The following SHISA6 variants were observed in gnomAD, a reference collection of about 807,000 sequenced individuals.
SHISA6 encodes the protein protein shisa-6.
In SHISA6, 22 loss-of-function variants were observed where a neutral mutation model predicts 47.9. The observed-to-expected ratio is 0.46, with a 90% CI of 0.33 to 0.66. The LOEUF (loss-of-function observed/expected upper bound fraction) is 0.66, where lower values mean the gene tolerates loss of function less well. SHISA6 is among the 30% of genes least tolerant of loss of function. The pLI is 0.02. For missense variants in SHISA6, 680 were observed against 764.6 expected, an observed-to-expected ratio of 0.89 and a Z score of 1.30; for synonymous variants, 388 against 337.8, an observed-to-expected ratio of 1.15 and a Z score of -1.63.
chr17:11,299,691 T>C (rs1490764270), intron 2 of SHISA6, among the ~76,000 whole-genome samples: 1 of 152,104 alleles, frequency 6.6e-6, no homozygotes, highest in Non-Finnish European at 1.5e-5. Context: ...ATCACTCCAA[T>C]CTCTGTTTTC....
chr17:11,270,612 G>T (rs1366026627), intron 2 of SHISA6, among the ~76,000 whole-genome samples: 1 of 152,214 alleles, frequency 6.6e-6, no homozygotes, highest in Non-Finnish European at 1.5e-5. Context: ...TTCTGCCCTT[G>T]AAGCACAAGA....
intron 3 of SHISA6, among the ~76,000 whole-genome samples, chr17:11,534,901 G>A (rs1451890105): frequency 6.6e-6 from 1 of 152,122 alleles, no homozygotes; most frequent in African/African-American, 2.4e-5. Flanking sequence ...AGGCCAAGGA[G>A]GGTGGATCAC....
intron 2 of SHISA6, among the ~76,000 whole-genome samples, chr17:11,364,365 C>T (rs961632582): frequency 1.3e-5 from 2 of 152,118 alleles, no homozygotes; most frequent in Admixed American, 6.5e-5. Context: ...GTTTTTTGAG[C>T]TTCTTTCAAA....
intron 2 of SHISA6, among the ~76,000 whole-genome samples, chr17:11,280,401 CTTA>C (rs1449078807): frequency 3.3e-5 from 5 of 152,170 alleles, no homozygotes; most frequent in South Asian, 4.1e-4. Context: ...GAAATGTTCA[CTTA>C]TTATCCTTAA....
intron 3 of SHISA6, among the ~76,000 whole-genome samples, chr17:11,447,256 A>G (rs1348326275): frequency 2.0e-5 from 3 of 152,234 alleles, no homozygotes. Flanking sequence ...AAGGTAAGAA[A>G]GAAAGAAATA....
chr17:11,492,231 G>A (rs1412654701), intron 3 of SHISA6, among the ~76,000 whole-genome samples: 1 of 152,276 alleles, frequency 6.6e-6, no homozygotes, highest in African/African-American at 2.4e-5. Context: ...AGGCCACAGA[G>A]GGTTGAGGGT....
chr17:11,275,711 T>C (rs1908862122), intron 2 of SHISA6, among the ~76,000 whole-genome samples: 1 of 152,078 alleles, frequency 6.6e-6, no homozygotes, highest in South Asian at 2.1e-4. Flanking sequence ...TGTGTGACCA[T>C]CTGGAGAAAG....
At chr17:11,363,265 G>A (rs1912345636) in intron 2 of SHISA6, among the ~76,000 whole-genome samples, 1 of 151,332 alleles carries the variant, frequency 6.6e-6, no homozygotes, top group Non-Finnish European at 1.5e-5. Flanking sequence ...AACTCTCCTG[G>A]TGTCACATTC....
At chr17:11,514,112 G>A (rs1377863690) in intron 3 of SHISA6, among the ~76,000 whole-genome samples, 3 of 152,212 alleles carry the variant, frequency 2.0e-5, no homozygotes, top group African/African-American at 4.8e-5. Context: ...ACTCTGCTTT[G>A]TGGCCGACTG....
chr17:11,258,007 T>A (rs1455980549), intron 1 of SHISA6, among the ~76,000 whole-genome samples: 1 of 152,208 alleles, frequency 6.6e-6, no homozygotes, highest in Non-Finnish European at 1.5e-5. Context: ...TATAAAAAAA[T>A]TAATTATATT....
rs375035830 is a variant in SHISA6, at chr17:11,464,723, A to G, written c.895+85214A>G. Among the ~76,000 whole-genome samples the G allele has an allele frequency of 6.6e-5, 10 of 152,284 alleles. No individual in the cohort carries two copies. The South Asian group carries it at 1.0e-3, about 16-fold the overall frequency. ...TTTGGGAGGCCAAGGCAGGTGGATC[A>G]CCGGAGGCCAGGAGTTCGAGACCAG... On this transcript the variant is annotated intron_variant, in intron 3 of 5. Coordinates refer to ENST00000441885, the MANE Select transcript of SHISA6 (RefSeq NM_207386.4).
intron 2 of SHISA6, among the ~76,000 whole-genome samples, chr17:11,361,832 A>G (rs1195529300): frequency 6.6e-6 from 1 of 152,224 alleles, no homozygotes; most frequent in Non-Finnish European, 1.5e-5. Context: ...CTGCACAGTA[A>G]GTAGTATTAC....
chr17:11,444,396 A>G (rs1258630838), intron 3 of SHISA6, among the ~76,000 whole-genome samples: 2 of 152,138 alleles, frequency 1.3e-5, no homozygotes, highest in African/African-American at 4.8e-5. Flanking sequence ...TATTTTATGA[A>G]AACACCCATA....
chr17:11,521,559 G>A lies in SHISA6; in HGVS notation c.896-30337G>A, dbSNP rs150660595. On this transcript the variant is annotated intron_variant, in intron 3 of 5. Coordinates refer to ENST00000441885, the MANE Select transcript of SHISA6 (RefSeq NM_207386.4). ...AGCACTTTGGGAAGCCAAGTTGGGA[G>A]GACTGCTTGAGATCAGGAGTTCGAG... 2.8e-3 allele frequency among the ~76,000 whole-genome samples: 427 copies of A among 152,256 alleles called. 1 individual carries two copies. The highest frequency in any genetic ancestry group is 9.9e-3 in the African/African-American group (412 of 41,548).
At chr17:11,487,153 C>T (rs1382234804) in intron 3 of SHISA6, among the ~76,000 whole-genome samples, 1 of 152,208 alleles carries the variant, frequency 6.6e-6, no homozygotes, top group Non-Finnish European at 1.5e-5. Flanking sequence ...CCCCTGTTCA[C>T]ACACGTGCAT....
chr17:11,444,587 A>G (rs998927410), intron 3 of SHISA6, among the ~76,000 whole-genome samples: 5 of 152,180 alleles, frequency 3.3e-5, no homozygotes, highest in Non-Finnish European at 7.3e-5. Context: ...AACAAAATAC[A>G]AAAATGAAAA....
chr17:11,380,667 G>A (rs557202953), intron 3 of SHISA6, among the ~76,000 whole-genome samples: 14 of 152,322 alleles, frequency 9.2e-5, no homozygotes, highest in East Asian at 1.9e-4. Context: ...CAAACTTAGC[G>A]TTTTAAAACA....
chr17:11,466,127 GAC>G (rs1915805492), intron 3 of SHISA6, among the ~76,000 whole-genome samples: 1 of 152,142 alleles, frequency 6.6e-6, no homozygotes, highest in Admixed American at 6.5e-5. Context: ...GGTTCAAAAT[GAC>G]ACACACACCG....
intron 3 of SHISA6, among the ~76,000 whole-genome samples, chr17:11,467,429 AT>A (rs1915836733): frequency 6.6e-6 from 1 of 152,236 alleles, no homozygotes; most frequent in African/African-American, 2.4e-5. Flanking sequence ...AGTATGACAT[AT>A]GATGTCATAT....
Sources: allele counts gnomAD v4.1 joint callset (sites outside exome capture counted in the v4.1 genomes callset), GRCh38; gene constraint gnomAD v4.1.1; transcripts MANE v1.5; gene names NCBI Gene and HGNC (gene_info 2026-07-23, HGNC 2026-07-21).